Variants in NBEA observed in about 807,000 individuals in gnomAD.
NBEA encodes lysosomal-trafficking regulator 2.
NBEA carries 44 observed loss-of-function variants against 343.4 expected under a neutral mutation model. The observed-to-expected ratio is 0.13, with a 90% CI of 0.10 to 0.16. The LOEUF is 0.16. Ranked by LOEUF, NBEA falls within the 10% of genes least tolerant of loss-of-function variation. The pLI, the probability that NBEA is intolerant of heterozygous loss-of-function variation, is 1.00. For synonymous variants in NBEA, 1,175 were observed against 1,238.7 expected (o/e 0.95, Z 1.08); for missense variants, 2,555 against 3,631.3 (o/e 0.70, Z 7.62).
chr13:35,017,014 A>C (rs989219347), intron 1 of NBEA, among the ~76,000 whole-genome samples: 1 of 152,156 alleles, frequency 6.6e-6, no homozygotes, highest in Non-Finnish European at 1.5e-5. Context: ...TGTGAGAAAC[A>C]GTTTGGATTC....
chr13:35,534,978 A>G (rs1275414754), intron 41 of NBEA, among the ~76,000 whole-genome samples: 2 of 152,246 alleles, frequency 1.3e-5, no homozygotes, highest in Non-Finnish European at 2.9e-5. Context: ...ATAAAAACTC[A>G]GCAGAAGAGA....
At chr13:35,405,903 A>G (rs2043244318) in intron 38 of NBEA, among the ~76,000 whole-genome samples, 1 of 152,190 alleles carries the variant, frequency 6.6e-6, no homozygotes, top group South Asian at 2.1e-4. Context: ...TTTGTTAATT[A>G]AGATTAAAGT....
intron 49 of NBEA, among the ~76,000 whole-genome samples, chr13:35,633,587 G>A (rs937693873): frequency 6.6e-6 from 1 of 151,804 alleles, no homozygotes; most frequent in Non-Finnish European, 1.5e-5. Context: ...TTGTATCACA[G>A]CTCAACCATT....
At chr13:34,952,188 A>G (rs2059370376) in intron 1 of NBEA, among the ~76,000 whole-genome samples, 1 of 152,192 alleles carries the variant, frequency 6.6e-6, no homozygotes, top group South Asian at 2.1e-4. Context: ...GTACTTAGAA[A>G]TTATCCCAAA....
chr13:35,408,702 C>T (rs1171150791), intron 38 of NBEA, among the ~76,000 whole-genome samples: 2 of 151,976 alleles, frequency 1.3e-5, no homozygotes, highest in African/African-American at 4.8e-5. Flanking sequence ...AACATGAACA[C>T]TTTTCAAAAG....
At chr13:35,135,863 G>T (rs1205730076) in intron 17 of NBEA, among the ~76,000 whole-genome samples, 1 of 151,662 alleles carries the variant, frequency 6.6e-6, no homozygotes, top group Non-Finnish European at 1.5e-5. Context: ...TTAACTTCTG[G>T]ATTGAAGGTG....
chr13:35,374,690 C>T (rs1416196), intron 38 of NBEA, among the ~76,000 whole-genome samples: 45,957 of 151,862 alleles, frequency 0.3, 9,217 homozygotes, highest in African/African-American at 0.57. Context: ...ATAATAACAT[C>T]AACACTTACT....
intron 1 of NBEA, among the ~76,000 whole-genome samples, chr13:35,024,146 C>T (rs1053709543): frequency 3.3e-5 from 5 of 152,138 alleles, no homozygotes; most frequent in African/African-American, 1.2e-4. Flanking sequence ...CCTCTAGCTG[C>T]AACCATGTTG....
At chr13:35,169,029 C>G in intron 25 of NBEA, 34 bp downstream of exon 25, 4 of 1,454,664 alleles carry the variant, frequency 2.7e-6, no homozygotes, top group Non-Finnish European at 3.7e-6. Context: ...TTTCAGCTTT[C>G]AGTTTCAAGT....
chr13:35,353,656 C>T (rs542583109), intron 38 of NBEA, among the ~76,000 whole-genome samples: 8 of 152,064 alleles, frequency 5.3e-5, no homozygotes, highest in Admixed American at 4.6e-4. Context: ...TTGTTGTGTG[C>T]GAGGGACCAT....
chr13:35,255,196 A>G (rs1566526106), intron 34 of NBEA, among the ~76,000 whole-genome samples: 1 of 152,226 alleles, frequency 6.6e-6, no homozygotes, highest in Non-Finnish European at 1.5e-5. Flanking sequence ...GGTTATACTT[A>G]GTCACTAATT....
chr13:34,986,724 T>C lies in NBEA; in HGVS notation c.294+43610T>C, dbSNP rs1384488998. Among the ~76,000 whole-genome samples, 3 of 151,048 alleles carry C rather than the reference T, an allele frequency of 2.0e-5. 1 individual carries two copies. Among genetic ancestry groups the C allele is most frequent in the Non-Finnish European group, 4.4e-5 (3 of 67,468 alleles). The stretch of plus-strand genomic sequence containing the variant: ...CTTTATGAGTCTGGGTGCTCCTGTA[T>C]TGGGTGCATATATATTTAGGATAGT... On this transcript the variant is annotated intron_variant, in intron 1 of 58. Coordinates refer to ENST00000379939, the MANE Select transcript of NBEA (RefSeq NM_001385012.1).
At chr13:35,187,005 T>C (rs2152734463) in intron 30 of NBEA, among the ~76,000 whole-genome samples, 1 of 152,190 alleles carries the variant, frequency 6.6e-6, no homozygotes, top group Admixed American at 6.5e-5. Context: ...GTTTTAAAAG[T>C]TTAAACTTTA....
intron 41 of NBEA, among the ~76,000 whole-genome samples, chr13:35,530,196 T>C (rs2078188481): frequency 6.6e-6 from 1 of 152,200 alleles, no homozygotes; most frequent in Non-Finnish European, 1.5e-5. Context: ...AATATGTAAT[T>C]GAAACAAAAA....
chr13:35,038,627 C>T (rs1463358327), intron 1 of NBEA, among the ~76,000 whole-genome samples: 1 of 152,086 alleles, frequency 6.6e-6, no homozygotes, highest in Middle Eastern at 3.2e-3. Flanking sequence ...AGTGGGTTTC[C>T]TTCTGGCCCA....
intron 38 of NBEA, among the ~76,000 whole-genome samples, chr13:35,374,296 G>A (rs1219260406): frequency 6.6e-6 from 1 of 152,198 alleles, no homozygotes; most frequent in African/African-American, 2.4e-5. Context: ...TTCATTGGTT[G>A]AGTTCACAGT....
At chr13:35,415,902 T>G (rs934736769) in intron 38 of NBEA, among the ~76,000 whole-genome samples, 3 of 152,180 alleles carry the variant, frequency 2.0e-5, no homozygotes, top group African/African-American at 7.2e-5. Flanking sequence ...TGTCCTCTTT[T>G]ATTTCATTGA....
At chr13:35,331,783 A>T (rs1463024213) in intron 36 of NBEA, among the ~76,000 whole-genome samples, 2 of 152,040 alleles carry the variant, frequency 1.3e-5, no homozygotes, top group East Asian at 3.9e-4. Flanking sequence ...AACAGAAAAG[A>T]ATAGGACTGG....
At chr13:35,635,195 T>C (rs2083644458) in intron 49 of NBEA, among the ~76,000 whole-genome samples, 1 of 152,212 alleles carries the variant, frequency 6.6e-6, no homozygotes, top group Non-Finnish European at 1.5e-5. Context: ...CTTTATTCTT[T>C]CTATGAATCC....
Sources: allele counts gnomAD v4.1 joint callset (sites outside exome capture counted in the v4.1 genomes callset), GRCh38; gene constraint gnomAD v4.1.1; transcripts MANE v1.5; gene names NCBI Gene and HGNC (gene_info 2026-07-23, HGNC 2026-07-21).